The following PABPC4L variants were observed in gnomAD, a reference collection of about 807,000 sequenced individuals.
The protein encoded by PABPC4L is poly(A) binding protein cytoplasmic 4 like.
For missense variants in PABPC4L, 452 were observed against 451.4 expected (o/e 1.00, Z -0.01); for synonymous variants, 169 against 164.1 (o/e 1.03, Z -0.23).
the PABPC4L span, among the ~76,000 whole-genome samples, chr4:134,018,423 T>C: frequency 6.6e-6 from 1 of 152,146 alleles, no homozygotes; most frequent in South Asian, 2.1e-4. Context: ...AAATTACATA[T>C]CACAGGCATT....
the PABPC4L span, among the ~76,000 whole-genome samples, chr4:134,084,804 T>C: frequency 6.6e-6 from 1 of 152,182 alleles, no homozygotes; most frequent in Non-Finnish European, 1.5e-5. Flanking sequence ...AGCCACAGTG[T>C]ACTGTTGTTG....
the PABPC4L span, among the ~76,000 whole-genome samples, chr4:133,971,393 G>C: frequency 6.6e-6 from 1 of 151,892 alleles, no homozygotes; most frequent in Non-Finnish European, 1.5e-5. Context: ...TTATAGGCGT[G>C]AGCCACCGCG....
At chr4:134,124,277 G>GCTGCTAAAACTGC in the PABPC4L span, among the ~76,000 whole-genome samples, 1 of 151,946 alleles carries the variant, frequency 6.6e-6, no homozygotes, top group Non-Finnish European at 1.5e-5. Context: ...TGCAAGCCTG[G>GCTGCTAAAACTGC]CTGCTAAAAC....
chr4:134,083,181 A>G, the PABPC4L span, among the ~76,000 whole-genome samples: 40 of 152,302 alleles, frequency 2.6e-4, no homozygotes, highest in African/African-American at 8.9e-4. Flanking sequence ...CCTTTCTGTA[A>G]TATACATTCT....
At chr4:134,015,540 C>T in the PABPC4L span, among the ~76,000 whole-genome samples, 11 of 152,298 alleles carry the variant, frequency 7.2e-5, no homozygotes, top group Non-Finnish European at 1.2e-4. Context: ...CAAGGCTTCA[C>T]AGACAGCCCC....
chr4:134,058,808 T>C, the PABPC4L span, among the ~76,000 whole-genome samples: 2 of 152,040 alleles, frequency 1.3e-5, no homozygotes, highest in Non-Finnish European at 2.9e-5. Context: ...TAAAGACATA[T>C]AATTTTATAA....
the PABPC4L span, among the ~76,000 whole-genome samples, chr4:134,191,193 T>G: frequency 1.3e-5 from 2 of 152,160 alleles, no homozygotes; most frequent in Non-Finnish European, 2.9e-5. Flanking sequence ...TCTGCAGTTG[T>G]TTTCTCTTGA....
At chr4:133,974,453 T>G in the PABPC4L span, among the ~76,000 whole-genome samples, 4 of 152,038 alleles carry the variant, frequency 2.6e-5, no homozygotes, top group African/African-American at 9.7e-5. Context: ...TTGACTTGGG[T>G]TAACCAAATG....
chr4:134,195,069 C>T (rs1361356919), downstream of PABPC4L, among the ~76,000 whole-genome samples: 1 of 151,642 alleles, frequency 6.6e-6, no homozygotes, highest in Non-Finnish European at 1.5e-5. Context: ...CATTTGTATA[C>T]AAACTATATA....
chr4:134,108,836 TAA>T, the PABPC4L span, among the ~76,000 whole-genome samples: 2 of 151,904 alleles, frequency 1.3e-5, no homozygotes, highest in Admixed American at 1.3e-4. Flanking sequence ...TGTACAAATA[TAA>T]AGACAGTAAG....
the PABPC4L span, among the ~76,000 whole-genome samples, chr4:134,106,254 A>G: frequency 6.6e-6 from 1 of 151,646 alleles, no homozygotes; most frequent in Non-Finnish European, 1.5e-5. Flanking sequence ...CAATTGCCTG[A>G]TAATTGAATA....
the PABPC4L span, among the ~76,000 whole-genome samples, chr4:134,166,953 T>A: frequency 6.6e-6 from 1 of 152,180 alleles, no homozygotes. Flanking sequence ...TCATCTGTCC[T>A]GTCTAACTTC....
At chr4:134,097,492 CAG>C in the PABPC4L span, among the ~76,000 whole-genome samples, 1 of 151,698 alleles carries the variant, frequency 6.6e-6, no homozygotes, top group African/African-American at 2.4e-5. Flanking sequence ...GAGAGAGAGA[CAG>C]AGAAACAAAA....
chr4:134,113,407 C>A, the PABPC4L span, among the ~76,000 whole-genome samples: 1 of 151,816 alleles, frequency 6.6e-6, no homozygotes, highest in Non-Finnish European at 1.5e-5. Flanking sequence ...TTTACTCCAC[C>A]TTTTCCATGT....
the PABPC4L span, among the ~76,000 whole-genome samples, chr4:134,111,247 T>G: frequency 6.6e-6 from 1 of 152,036 alleles, no homozygotes; most frequent in Non-Finnish European, 1.5e-5. Flanking sequence ...GCATCTAATT[T>G]AATTCATTAG....
the PABPC4L span, among the ~76,000 whole-genome samples, chr4:134,040,222 A>C: frequency 6.7e-6 from 1 of 149,258 alleles, no homozygotes; most frequent in African/African-American, 2.5e-5. Context: ...AAAAAAAAAA[A>C]CTACTTTAAA....
chr4:134,140,602 T>G, the PABPC4L span, among the ~76,000 whole-genome samples: 1 of 151,854 alleles, frequency 6.6e-6, no homozygotes, highest in Non-Finnish European at 1.5e-5. Context: ...TTAATGTTAG[T>G]AAAATGTTGC....
chr4:134,166,051 T>A, the PABPC4L span, among the ~76,000 whole-genome samples: 5 of 152,162 alleles, frequency 3.3e-5, no homozygotes, highest in Non-Finnish European at 5.9e-5. Context: ...CCATATGTTC[T>A]CACTTATAAA....
At chr4:134,061,273 C>A in the PABPC4L span, among the ~76,000 whole-genome samples, 1 of 150,614 alleles carries the variant, frequency 6.6e-6, no homozygotes, top group Non-Finnish European at 1.5e-5. Context: ...TAAAAAAAAC[C>A]ATAAAAACAG....
Sources: allele counts gnomAD v4.1 joint callset (sites outside exome capture counted in the v4.1 genomes callset), GRCh38; gene constraint gnomAD v4.1.1; transcripts MANE v1.5; gene names NCBI Gene and HGNC (gene_info 2026-07-23, HGNC 2026-07-21).